The following NKAIN2 variants were observed in gnomAD, a reference collection of about 807,000 sequenced individuals.
NKAIN2 encodes the protein sodium/potassium transporting ATPase interacting 2, also known as sodium/potassium-transporting ATPase subunit beta-1-interacting protein 2.
In NKAIN2, 14 loss-of-function variants were observed where a neutral mutation model predicts 32.6. The observed-to-expected ratio is 0.43, with a 90% CI of 0.28 to 0.67. NKAIN2 has a LOEUF of 0.67. Among genes scored for constraint, NKAIN2 ranks in the 30% least tolerant of loss-of-function variants. NKAIN2 has a pLI of 0.17. For missense variants in NKAIN2, 198 were observed against 258.3 expected (o/e 0.77, Z 1.60); for synonymous variants, 80 against 87.2 (o/e 0.92, Z 0.46).
intron 4 of NKAIN2, among the ~76,000 whole-genome samples, chr6:124,706,605 C>G (rs541932005): frequency 1.3e-5 from 2 of 152,160 alleles, no homozygotes; most frequent in African/African-American, 4.8e-5. Flanking sequence ...AGGGCAGACT[C>G]AAAGAGCTGA....
chr6:124,788,115 C>G (rs1779585106), intron 4 of NKAIN2, among the ~76,000 whole-genome samples: 1 of 152,006 alleles, frequency 6.6e-6, no homozygotes, highest in African/African-American at 2.4e-5. Flanking sequence ...TATATGTATA[C>G]CTGCTACAAA....
chr6:124,762,065 A>G (rs11756456), intron 4 of NKAIN2, among the ~76,000 whole-genome samples: 38,084 of 152,094 alleles, frequency 0.25, 4,963 homozygotes, highest in Middle Eastern at 0.3. Flanking sequence ...CATAGCTCAT[A>G]TTAGTTTACC....
intron 1 of NKAIN2, among the ~76,000 whole-genome samples, chr6:124,207,659 T>A (rs1354235773): frequency 1.3e-5 from 2 of 151,840 alleles, no homozygotes; most frequent in African/African-American, 4.8e-5. Flanking sequence ...TAAATGAACT[T>A]TAAAAATACT....
chr6:124,740,558 G>A (rs1777159427), intron 4 of NKAIN2, among the ~76,000 whole-genome samples: 1 of 151,586 alleles, frequency 6.6e-6, no homozygotes, highest in Non-Finnish European at 1.5e-5. Flanking sequence ...AGATCTGGAA[G>A]GGCAGGGATG....
chr6:123,860,046 T>C (rs1230832641), intron 1 of NKAIN2, among the ~76,000 whole-genome samples: 1 of 152,118 alleles, frequency 6.6e-6, no homozygotes, highest in Non-Finnish European at 1.5e-5. Flanking sequence ...TTTAGTTAGT[T>C]AGCACTAAGG....
intron 5 of NKAIN2, among the ~76,000 whole-genome samples, chr6:124,794,456 CT>C (rs1390477834): frequency 1.3e-5 from 2 of 152,128 alleles, no homozygotes; most frequent in African/African-American, 2.4e-5. Flanking sequence ...CCTTTTTCCC[CT>C]GAAAGACTCC....
intron 3 of NKAIN2, among the ~76,000 whole-genome samples, chr6:124,648,243 T>C (rs1226849144): frequency 6.6e-6 from 1 of 152,182 alleles, no homozygotes; most frequent in Non-Finnish European, 1.5e-5. Context: ...GTTTGCTAAA[T>C]GTCACTTACC....
chr6:124,287,132 T>A (rs1450552352), intron 2 of NKAIN2, among the ~76,000 whole-genome samples: 1 of 152,248 alleles, frequency 6.6e-6, no homozygotes, highest in African/African-American at 2.4e-5. Flanking sequence ...TTATTACAGT[T>A]AACTCTCTTT....
rs970782554 is a variant in NKAIN2 at position 124,275,181 on chromosome 6, A to G, written c.55-7824A>G. Among the ~76,000 whole-genome samples, 5 of 152,222 alleles carry G rather than the reference A, an allele frequency of 3.3e-5. No individual in the cohort carries two copies. The East Asian group carries it at 7.7e-4, about 24-fold the overall frequency. On this transcript the variant is annotated intron_variant, in intron 1 of 6. Transcript: ENST00000368417. ...AATAATAAATGATTCTGTTATCACAACTAGAGTATTAGATGGCATATTTAG... is the reference window on the plus strand; with the variant it reads ...AATAATAAATGATTCTGTTATCACAGCTAGAGTATTAGATGGCATATTTAG...
intron 4 of NKAIN2, among the ~76,000 whole-genome samples, chr6:124,729,637 G>A (rs1312512943): frequency 2.0e-5 from 3 of 151,404 alleles, no homozygotes; most frequent in Non-Finnish European, 4.4e-5. Context: ...CATTCCCTTT[G>A]AAAACTGGCA....
intron 2 of NKAIN2, among the ~76,000 whole-genome samples, chr6:124,287,242 CAAA>C (rs1333402393): frequency 1.3e-5 from 2 of 152,060 alleles, no homozygotes; most frequent in African/African-American, 4.8e-5. Flanking sequence ...TTTACCAAAA[CAAA>C]AAGGCAGGTT....
chr6:123,831,992 G>T (rs1421229193), intron 1 of NKAIN2, among the ~76,000 whole-genome samples: 1 of 152,104 alleles, frequency 6.6e-6, no homozygotes, highest in Non-Finnish European at 1.5e-5. Context: ...TGTAATCCCT[G>T]AATCCGTTTT....
chr6:124,541,598 A>G (rs1476352244), intron 3 of NKAIN2, among the ~76,000 whole-genome samples: 1 of 152,212 alleles, frequency 6.6e-6, no homozygotes, highest in Non-Finnish European at 1.5e-5. Flanking sequence ...ATACTGTGAC[A>G]TTCAACTGTG....
rs575126117 is a variant in NKAIN2 at position 124,248,180 on chromosome 6, A to C, written c.55-34825A>C. On this transcript the variant is annotated intron_variant, in intron 1 of 6. Transcript: ENST00000368417. ...AGATTTTCTGTCTTACAATTTTGGA[A>C]CTTGAATGATAGATTAGGGTTCTGA... Among the ~76,000 whole-genome samples the C allele has an allele frequency of 2.0e-5, 3 of 152,216 alleles. No homozygotes were observed. The South Asian group carries it at 6.2e-4, about 32-fold the overall frequency.
chr6:124,202,168 C>A (rs1454675554), intron 1 of NKAIN2, among the ~76,000 whole-genome samples: 1 of 151,562 alleles, frequency 6.6e-6, no homozygotes, highest in African/African-American at 2.4e-5. Context: ...TCTAGAATGT[C>A]CCTGAAAAAA....
chr6:124,640,412 A>G (rs1007338636), intron 3 of NKAIN2, among the ~76,000 whole-genome samples: 13 of 152,214 alleles, frequency 8.5e-5, no homozygotes, highest in African/African-American at 3.1e-4. Flanking sequence ...TATCTCTGGA[A>G]ATACTTAACC....
intron 3 of NKAIN2, among the ~76,000 whole-genome samples, chr6:124,421,160 T>C (rs1168413541): frequency 6.6e-6 from 1 of 151,990 alleles, no homozygotes; most frequent in African/African-American, 2.4e-5. Context: ...TTCATCTTGG[T>C]TTTCTCTCTA....
chr6:124,117,948 T>G (rs1158078365), intron 1 of NKAIN2, among the ~76,000 whole-genome samples: 1 of 151,650 alleles, frequency 6.6e-6, no homozygotes, highest in African/African-American at 2.4e-5. Context: ...CTTAGGAGGT[T>G]TGCTAACTAA....
chr6:124,099,865 C>G (rs1477645113), intron 1 of NKAIN2, among the ~76,000 whole-genome samples: 1 of 152,088 alleles, frequency 6.6e-6, no homozygotes, highest in African/African-American at 2.4e-5. Flanking sequence ...GGGTTAAAGC[C>G]TTTGTATGGA....
Sources: gnomAD v4.1 joint callset for allele counts (sites outside exome capture counted in the v4.1 genomes callset) on GRCh38, gnomAD v4.1.1 for gene constraint, MANE v1.5 for transcripts, NCBI Gene and HGNC (gene_info 2026-07-23, HGNC 2026-07-21) for gene names.